The following CIMIP3 variants were observed in gnomAD, a reference collection of about 807,000 sequenced individuals.
CIMIP3 encodes ciliary microtubule inner protein 3.
chr6:42,157,916 T>C, the CIMIP3 span, among the ~76,000 whole-genome samples: 1 of 152,144 alleles, frequency 6.6e-6, no homozygotes, highest in Non-Finnish European at 1.5e-5. Context: ...GCTTTTGACA[T>C]TGGACGCTGA....
chr6:42,155,634 G>GGTGCTGCTGCCT, the CIMIP3 span: 1 of 717,320 alleles, frequency 1.4e-6, no homozygotes, highest in Non-Finnish European at 2.6e-6. Context: ...TGCTGGTGCT[G>GGTGCTGCTGCCT]GTGCTGCTGC....
chr6:42,158,934 G>T, the CIMIP3 span, among the ~76,000 whole-genome samples: 6 of 152,224 alleles, frequency 3.9e-5, no homozygotes, highest in African/African-American at 1.4e-4. Flanking sequence ...GGTTAGTGGG[G>T]AGCAGGGATG....
chr6:42,162,320 CAGA>C, the CIMIP3 span, among the ~76,000 whole-genome samples: 2 of 151,186 alleles, frequency 1.3e-5, no homozygotes, highest in African/African-American at 4.9e-5. Context: ...GAGGCTGAGG[CAGA>C]AGAATCGCTT....
chr6:42,162,853 C>T, the CIMIP3 span: 1 of 587,826 alleles, frequency 1.7e-6, no homozygotes. Flanking sequence ...TCCCTTCTGC[C>T]CCTGGCATAG....
chr6:42,162,153 C>T, the CIMIP3 span, among the ~76,000 whole-genome samples: 167 of 143,700 alleles, frequency 1.2e-3, no homozygotes, highest in African/African-American at 4.0e-3. Flanking sequence ...GTGGCTCACG[C>T]CTGTTATCCC....
chr6:42,155,622 G>T, the CIMIP3 span: 1 of 717,208 alleles, frequency 1.4e-6, no homozygotes, highest in Non-Finnish European at 2.6e-6. Flanking sequence ...GGCTTAGTTG[G>T]GTGCTGGTGC....
the CIMIP3 span, among the ~76,000 whole-genome samples, chr6:42,162,130 T>C: frequency 1.6e-5 from 2 of 128,320 alleles, no homozygotes; most frequent in African/African-American, 6.0e-5. Context: ...TGAGACACAG[T>C]AGGCTGGACG....
chr6:42,158,201 G>T, the CIMIP3 span, among the ~76,000 whole-genome samples: 1 of 152,266 alleles, frequency 6.6e-6, no homozygotes, highest in African/African-American at 2.4e-5. Flanking sequence ...AACCTGGAAA[G>T]TATGCAGTCA....
At chr6:42,157,771 G>A in the CIMIP3 span, among the ~76,000 whole-genome samples, 1 of 152,158 alleles carries the variant, frequency 6.6e-6, no homozygotes, top group Non-Finnish European at 1.5e-5. Flanking sequence ...GGATTCCCAA[G>A]GGAGGGGAGG....
the CIMIP3 span, chr6:42,155,592 A>C: frequency 2.8e-6 from 2 of 717,440 alleles, no homozygotes; most frequent in Non-Finnish European, 5.2e-6. Flanking sequence ...TGCGGCTGGG[A>C]GGTAGGTCCT....
the CIMIP3 span, chr6:42,155,513 G>C: frequency 1.4e-6 from 1 of 716,974 alleles, no homozygotes. Context: ...GGCTGGGGAA[G>C]GTCAGCTCGG....
the CIMIP3 span, among the ~76,000 whole-genome samples, chr6:42,158,049 C>T: frequency 7.9e-5 from 12 of 152,208 alleles, no homozygotes; most frequent in African/African-American, 2.7e-4. Flanking sequence ...TCCAAACATG[C>T]ATGCCAAATG....
At chr6:42,158,263 G>C in the CIMIP3 span, among the ~76,000 whole-genome samples, 1 of 152,228 alleles carries the variant, frequency 6.6e-6, no homozygotes, top group Non-Finnish European at 1.5e-5. Context: ...GGAGGTAATG[G>C]GGTGTCCTCA....
At chr6:42,160,354 C>T in the CIMIP3 span, among the ~76,000 whole-genome samples, 1 of 152,124 alleles carries the variant, frequency 6.6e-6, no homozygotes, top group African/African-American at 2.4e-5. Flanking sequence ...GCCTATAAGC[C>T]CCTGTGCCCT....
the CIMIP3 span, among the ~76,000 whole-genome samples, chr6:42,156,216 G>A: frequency 1.5e-4 from 23 of 151,714 alleles, no homozygotes; most frequent in African/African-American, 5.6e-4. Context: ...GGCTGGTCCC[G>A]AACTCCTGAC....
chr6:42,162,402 C>G, the CIMIP3 span, among the ~76,000 whole-genome samples: 74 of 123,810 alleles, frequency 6.0e-4, no homozygotes, highest in Admixed American at 3.2e-3. Flanking sequence ...GCAACAAGAG[C>G]GAAACTCTTT....
At chr6:42,161,667 C>T in the CIMIP3 span, among the ~76,000 whole-genome samples, 2 of 151,908 alleles carry the variant, frequency 1.3e-5, no homozygotes, top group African/African-American at 4.8e-5. Context: ...GTGGTTAGGA[C>T]GAGGTAGGTA....
chr6:42,161,598 G>A, the CIMIP3 span, among the ~76,000 whole-genome samples: 1 of 152,176 alleles, frequency 6.6e-6, no homozygotes, highest in Non-Finnish European at 1.5e-5. Context: ...GGCGCTAAAT[G>A]TGTCAATGGG....
chr6:42,157,511 A>G, the CIMIP3 span, among the ~76,000 whole-genome samples: 8 of 151,110 alleles, frequency 5.3e-5, no homozygotes, highest in East Asian at 5.9e-4. Context: ...CAGCCTCCCA[A>G]TGTGCTGGGA....
Sources: allele counts gnomAD v4.1 joint callset (sites outside exome capture counted in the v4.1 genomes callset), GRCh38; gene constraint gnomAD v4.1.1; transcripts MANE v1.5; gene names NCBI Gene and HGNC (gene_info 2026-07-23, HGNC 2026-07-21).